Variants in EPC2 observed in about 807,000 individuals in gnomAD.
EPC2 encodes enhancer of polycomb homolog 2.
In EPC2, 14 loss-of-function variants were observed where a neutral mutation model predicts 92.1. The observed-to-expected ratio is 0.15, with a 90% CI of 0.10 to 0.24. The LOEUF (loss-of-function observed/expected upper bound fraction) is 0.24, where lower values mean the gene tolerates loss of function less well. Ranked by LOEUF, EPC2 falls within the 10% of genes least tolerant of loss-of-function variation. The pLI is 1.00. For missense variants in EPC2, 755 were observed against 971.5 expected (o/e 0.78, Z 2.96); for synonymous variants, 340 against 334.7 (o/e 1.02, Z -0.17).
intron 1 of EPC2, among the ~76,000 whole-genome samples, chr2:148,655,550 G>A (rs1040455568): frequency 2.0e-5 from 3 of 152,130 alleles, no homozygotes; most frequent in African/African-American, 7.2e-5. Context: ...AAAGATCTAG[G>A]ATTTCTGTTG....
At chr2:148,650,960 G>A (rs1680670406) in intron 1 of EPC2, among the ~76,000 whole-genome samples, 1 of 152,126 alleles carries the variant, frequency 6.6e-6, no homozygotes, top group African/African-American at 2.4e-5. Context: ...CAATTTCATA[G>A]AACTTAAATG....
chr2:148,647,166 G>T (rs1168549833), intron 1 of EPC2, among the ~76,000 whole-genome samples: 1 of 152,062 alleles, frequency 6.6e-6, no homozygotes, highest in Admixed American at 6.6e-5. Context: ...CTCCTGGAAG[G>T]TATATTACTT....
chr2:148,645,196 C>A (rs888154293), intron 1 of EPC2, 26 bp downstream of exon 1: 15 of 1,549,110 alleles, frequency 9.7e-6, no homozygotes, highest in Non-Finnish European at 1.3e-5. Context: ...TTTATTACCC[C>A]CCCTTCCCTC....
At chr2:148,690,087 C>A in intron 1 of EPC2, 127 bp from the exon 2 acceptor site, 1 of 896,336 alleles carries the variant, frequency 1.1e-6, no homozygotes, top group Non-Finnish European at 1.6e-6. Context: ...AGGTCTTTGG[C>A]AAAGGAACTA....
rs185485932 is a variant in EPC2, at chr2:148,707,572, T to C, written c.313+17199T>C. ...TCTTCTCAGCACCACATCACACTTATTCCAAAATTGACCATGTAGTTGGAA... is the reference window on the plus strand; with the variant it reads ...TCTTCTCAGCACCACATCACACTTACTCCAAAATTGACCATGTAGTTGGAA... On this transcript the variant is annotated intron_variant, in intron 2 of 13. Transcript: ENST00000258484. 2.3e-3 allele frequency among the ~76,000 whole-genome samples: 355 copies of C among 152,236 alleles called. 2 individuals are homozygous for C. The highest frequency in any genetic ancestry group is 7.5e-3 in the African/African-American group (312 of 41,546).
rs561929872 is a variant in EPC2, at chr2:148,647,699, C to T, written c.153+2529C>T. On this transcript the variant is annotated intron_variant, in intron 1 of 13. Coordinates refer to ENST00000258484, the MANE Select transcript of EPC2 (RefSeq NM_015630.4). ...CCAGGCTGGAGTGCAGTGGCGCGATCTCAGCTCACTGCAACCTTCGCCTCC... is the reference window on the plus strand; with the variant it reads ...CCAGGCTGGAGTGCAGTGGCGCGATTTCAGCTCACTGCAACCTTCGCCTCC... 2.9e-5 allele frequency among the ~76,000 whole-genome samples: 4 copies of T among 136,600 alleles called. No individual in the cohort carries two copies. The East Asian group carries it at 9.1e-4, about 31-fold the overall frequency. The allele number at this position is 136,600 out of a possible 152,430, so 89.6% of individuals were successfully genotyped here. A position where few individuals can be genotyped will look rare whatever the true frequency, so the allele number is the denominator to read the frequency against.
At chr2:148,757,926 T>A (rs1036065147) in intron 4 of EPC2, among the ~76,000 whole-genome samples, 2 of 152,062 alleles carry the variant, frequency 1.3e-5, no homozygotes, top group African/African-American at 4.8e-5. Context: ...CAGGACTCCT[T>A]AGGAAAATTA....
chr2:148,644,984 G>T lies in EPC2; in HGVS notation c.-34G>T. 3.0e-6 allele frequency: 4 copies of T among 1,350,228 alleles called. No individual in the cohort carries two copies. Among genetic ancestry groups the T allele is most frequent in the Non-Finnish European group, 3.9e-6 (4 of 1,019,360 alleles). 83.6% of individuals were successfully genotyped at this position (1,350,228 alleles called of 1,614,324 possible). Reference sequence around the variant, plus strand: ...CCCCCTCCCCGCCCGCCCCGCCGCCGCCGCCCGGGCTGTTCCTGTAAGGCG... The same window carrying T: ...CCCCCTCCCCGCCCGCCCCGCCGCCTCCGCCCGGGCTGTTCCTGTAAGGCG... On this transcript the variant is annotated 5_prime_UTR_variant, in exon 1 of 14. Transcript: ENST00000258484.
intron 2 of EPC2, among the ~76,000 whole-genome samples, chr2:148,704,900 T>A (rs1681961542): frequency 6.6e-6 from 1 of 151,578 alleles, no homozygotes; most frequent in African/African-American, 2.4e-5. Context: ...TTTTTTCTTT[T>A]TCTTTTTCTT....
At chr2:148,748,063 C>T (rs1404868072) in intron 3 of EPC2, among the ~76,000 whole-genome samples, 3 of 152,082 alleles carry the variant, frequency 2.0e-5, no homozygotes, top group Non-Finnish European at 4.4e-5. Context: ...TTTCCCCTTG[C>T]TGTTGTCATG....
At chr2:148,676,080 T>G (rs749226741) in intron 1 of EPC2, among the ~76,000 whole-genome samples, 10 of 151,780 alleles carry the variant, frequency 6.6e-5, no homozygotes, top group Non-Finnish European at 1.2e-4. Context: ...ACTACTTCTC[T>G]GCATCTTGGT....
Position 148,786,315 on chromosome 2 carries a change from G to A in EPC2, c.2362G>A (p.Glu788Lys), listed in dbSNP as rs775212820. The A allele has an allele frequency of 6.2e-6, 10 of 1,611,552 alleles. No homozygotes were observed. Among genetic ancestry groups the A allele is most frequent in the East Asian group, 2.2e-5 (1 of 44,802 alleles). ...GCCTTATTACCATAGAGAGAACCAC[G>A]AACCAGAAAGATTGGGCTTAAATGG... The part of the protein sequence containing the change: ...AISSIARENH[E>K]PERLGLNGIA... Residue 788 changes from glutamate (E) to lysine (K), a missense_variant, in exon 14 of 14, where the codon GAA becomes AAA. Physicochemically the swap from Glu to Lys is moderately conservative, Grantham distance 56. Transcript: ENST00000258484.
chr2:148,703,480 G>A (rs1413562105), intron 2 of EPC2, among the ~76,000 whole-genome samples: 3 of 151,960 alleles, frequency 2.0e-5, no homozygotes, highest in Non-Finnish European at 2.9e-5. Flanking sequence ...AACGTTTCAG[G>A]ATCCTTTTCT....
intron 2 of EPC2, among the ~76,000 whole-genome samples, chr2:148,697,127 C>G (rs149286683): frequency 6.6e-6 from 1 of 152,184 alleles, no homozygotes; most frequent in Non-Finnish European, 1.5e-5. Flanking sequence ...CAGGGTGATG[C>G]AGCTAGCAAG....
At chr2:148,706,083 CA>C (rs1407318104) in intron 2 of EPC2, among the ~76,000 whole-genome samples, 2 of 152,060 alleles carry the variant, frequency 1.3e-5, no homozygotes, top group Non-Finnish European at 2.9e-5. Flanking sequence ...GAACCCAACG[CA>C]AGGAAGCTAA....
chr2:148,668,516 ATTGT>A (rs1475543370), intron 1 of EPC2, among the ~76,000 whole-genome samples: 1 of 152,036 alleles, frequency 6.6e-6, no homozygotes, highest in Non-Finnish European at 1.5e-5. Context: ...TAGAGTTGGT[ATTGT>A]TTTTCTCCTT....
At chr2:148,651,749 T>G (rs1250819382) in intron 1 of EPC2, among the ~76,000 whole-genome samples, 1 of 152,208 alleles carries the variant, frequency 6.6e-6, no homozygotes, top group Non-Finnish European at 1.5e-5. Flanking sequence ...GAGTGTGTGT[T>G]GTTGAGTGTT....
intron 4 of EPC2, among the ~76,000 whole-genome samples, chr2:148,758,809 C>G (rs1683243676): frequency 6.6e-6 from 1 of 152,188 alleles, no homozygotes; most frequent in South Asian, 2.1e-4. Context: ...ATAGTATCTT[C>G]TAACTCCTAA....
intron 4 of EPC2, among the ~76,000 whole-genome samples, chr2:148,756,603 C>A (rs1162314850): frequency 6.6e-6 from 1 of 152,158 alleles, no homozygotes; most frequent in Non-Finnish European, 1.5e-5. Context: ...GTGAATACTT[C>A]AGGGCATTCT....
Sources: gnomAD v4.1 joint callset for allele counts (sites outside exome capture counted in the v4.1 genomes callset) on GRCh38, gnomAD v4.1.1 for gene constraint, MANE v1.5 for transcripts, NCBI Gene and HGNC (gene_info 2026-07-23, HGNC 2026-07-21) for gene names.